The following PLXNC1 variants were observed in gnomAD, a reference collection of about 807,000 sequenced individuals.
PLXNC1 encodes plexin-C1.
A neutral mutation model predicts 178.2 loss-of-function variants in PLXNC1; 75 were observed. That is an observed-to-expected ratio of 0.42 (90% CI 0.35 to 0.51). The LOEUF is 0.51. Among genes scored for constraint, PLXNC1 ranks in the 20% least tolerant of loss-of-function variants. The pLI is 0.02. For synonymous variants in PLXNC1, 790 were observed against 779.9 expected (o/e 1.01, Z -0.22); for missense variants, 1,503 against 1,984.4 (o/e 0.76, Z 4.61).
intron 11 of PLXNC1, 45 bp downstream of exon 11, chr12:94,240,709 C>T (rs1438498189): frequency 7.3e-7 from 1 of 1,373,624 alleles, no homozygotes; most frequent in African/African-American, 1.4e-5. Context: ...GGTTAAAGGT[C>T]ATATGCCCAA....
At position 94,163,408 on chromosome 12, in the gene PLXNC1, T is replaced by C. The variant is rs1961466950; in HGVS notation, c.1063-5745T>C. Reference sequence around the variant, plus strand: ...TCTAGGAAAATGCAGTTTCACGCTATCTGCCATTCATATACTTTTGTAAAT... The same window carrying C: ...TCTAGGAAAATGCAGTTTCACGCTACCTGCCATTCATATACTTTTGTAAAT... On this transcript the variant is annotated intron_variant, in intron 1 of 30. Transcript: ENST00000258526. Among the ~76,000 whole-genome samples the C allele has an allele frequency of 2.6e-5, 4 of 152,142 alleles. No homozygotes were observed. In the South Asian group the frequency reaches 8.3e-4, roughly 32 times the overall value.
chr12:94,193,860 G>A (rs371910393), intron 4 of PLXNC1, among the ~76,000 whole-genome samples: 177 of 152,288 alleles, frequency 1.2e-3, no homozygotes, highest in Admixed American at 5.4e-3. Context: ...TGGGAAACGC[G>A]GGGGGTGGAC....
At chr12:94,273,629 T>G (rs1965722244) in intron 21 of PLXNC1, among the ~76,000 whole-genome samples, 1 of 152,236 alleles carries the variant, frequency 6.6e-6, no homozygotes, top group East Asian at 1.9e-4. Flanking sequence ...TTAGAATGTG[T>G]TGTATATGCC....
chr12:94,217,486 C>A (rs1963677759), intron 5 of PLXNC1, among the ~76,000 whole-genome samples: 1 of 152,176 alleles, frequency 6.6e-6, no homozygotes. Context: ...AGGCCCATAC[C>A]CAACTTGACA....
At position 94,252,569 on chromosome 12, in the gene PLXNC1, G is replaced by A. The variant is rs1482322342; in HGVS notation, c.2881+1041G>A. On this transcript the variant is annotated intron_variant, in intron 15 of 30. Coordinates refer to ENST00000258526, the MANE Select transcript of PLXNC1 (RefSeq NM_005761.3). ...GTCCACCAATATATTTTGTTTTGCC[G>A]TGTAGCATTGTCTAAAACTATTAAG... 1.1e-4 allele frequency among the ~76,000 whole-genome samples: 17 copies of A among 152,292 alleles called. No homozygotes were observed. In the South Asian group the frequency reaches 1.4e-3, roughly 13 times the overall value.
chr12:94,200,990 A>G (rs1056662827), intron 4 of PLXNC1, among the ~76,000 whole-genome samples: 2 of 152,238 alleles, frequency 1.3e-5, no homozygotes, highest in Admixed American at 6.5e-5. Flanking sequence ...ACAAGAATTT[A>G]GCCATTTTAA....
intron 12 of PLXNC1, 123 bp downstream of exon 12, chr12:94,244,148 G>C (rs1037514809): frequency 9.5e-6 from 5 of 525,840 alleles, no homozygotes; most frequent in Non-Finnish European, 1.7e-5. Context: ...TTTTACCTAT[G>C]CTATCATATA....
chr12:94,189,141 GTATAGC>G (rs1233738288), intron 4 of PLXNC1, among the ~76,000 whole-genome samples: 4 of 152,220 alleles, frequency 2.6e-5, no homozygotes, highest in Non-Finnish European at 5.9e-5. Context: ...AGCTTTGGTG[GTATAGC>G]TGTAGACTCA....
At position 94,282,544 on chromosome 12, in the gene PLXNC1, G is replaced by A. The variant is rs865879209; in HGVS notation, c.3879+143G>A. Reference sequence around the variant, plus strand: ...GTGTCTGGGGCTGAAGTTTTCTTTCGTTGCTTGTGCAGACAAGCCCATGAA... The same window carrying A: ...GTGTCTGGGGCTGAAGTTTTCTTTCATTGCTTGTGCAGACAAGCCCATGAA... On this transcript the variant is annotated intron_variant, in intron 23 of 30. Transcript: ENST00000258526. 111 of 618,654 alleles carry A rather than the reference G, an allele frequency of 1.8e-4. 1 individual carries two copies. In the Middle Eastern group the frequency reaches 6.2e-3, roughly 34 times the overall value. The allele number at this position is 618,654 out of a possible 1,614,324, so 38.3% of individuals were successfully genotyped here. A position where few individuals can be genotyped will look rare whatever the true frequency, so the allele number is the denominator to read the frequency against.
intron 2 of PLXNC1, among the ~76,000 whole-genome samples, chr12:94,169,511 C>T (rs1221973202): frequency 6.6e-6 from 1 of 152,126 alleles, no homozygotes; most frequent in African/African-American, 2.4e-5. Flanking sequence ...CCTTGCTGCC[C>T]AGGAGTGCAC....
intron 21 of PLXNC1, among the ~76,000 whole-genome samples, chr12:94,273,662 C>G (rs1361011621): frequency 6.6e-6 from 1 of 152,278 alleles, no homozygotes; most frequent in Non-Finnish European, 1.5e-5. Context: ...TACTAGTCTG[C>G]TAGTACTTCC....
intron 5 of PLXNC1, among the ~76,000 whole-genome samples, chr12:94,212,911 G>C (rs1272878465): frequency 1.3e-5 from 2 of 151,954 alleles, no homozygotes; most frequent in Non-Finnish European, 2.9e-5. Context: ...AGTAGAGATG[G>C]GGTTTCACCG....
Position 94,149,445 on chromosome 12 carries a change from G to A in PLXNC1, c.474G>A (p.Pro158=), listed in dbSNP as rs1053624586. 9 of 1,462,300 alleles carry A rather than the reference G, an allele frequency of 6.2e-6. No individual in the cohort carries two copies. The highest frequency in any genetic ancestry group is 1.4e-5 in the South Asian group (1 of 71,928). The allele number at this position is 1,462,300 out of a possible 1,614,324, so 90.6% of individuals were successfully genotyped here. ...RNGTEVVSCH[P]QGSTAGVVYR... ...GCACCGAGGTGGTGTCGTGCCACCC[G>A]CAGGGCTCGACGGCCGGCGTGGTGT... Residue 158 remains proline (P), a synonymous_variant, in exon 1 of 31, where the codon CCG becomes CCA. Coordinates refer to ENST00000258526, the MANE Select transcript of PLXNC1 (RefSeq NM_005761.3).
intron 30 of PLXNC1, among the ~76,000 whole-genome samples, chr12:94,304,594 T>TC (rs986641082): frequency 2.0e-5 from 3 of 151,816 alleles, no homozygotes; most frequent in African/African-American, 4.8e-5. Context: ...CTTCCCTGAT[T>TC]CCCCCCCAAT....
chr12:94,244,601 TC>T (rs1964477797), intron 12 of PLXNC1, among the ~76,000 whole-genome samples: 2 of 152,278 alleles, frequency 1.3e-5, no homozygotes, highest in South Asian at 4.1e-4. Flanking sequence ...CACTGGTGCC[TC>T]CAGATGGGGA....
intron 4 of PLXNC1, among the ~76,000 whole-genome samples, chr12:94,207,162 T>C (rs1963324844): frequency 6.6e-6 from 1 of 152,210 alleles, no homozygotes. Flanking sequence ...GTTTGCTTTT[T>C]ATTTTTTCAT....
chr12:94,275,937 T>C (rs1181558731), intron 21 of PLXNC1, among the ~76,000 whole-genome samples: 1 of 151,622 alleles, frequency 6.6e-6, no homozygotes, highest in Non-Finnish European at 1.5e-5. Flanking sequence ...CACATATCAA[T>C]TTATGTCTGA....
chr12:94,195,050 G>A (rs1962865198), intron 4 of PLXNC1, among the ~76,000 whole-genome samples: 2 of 152,116 alleles, frequency 1.3e-5, no homozygotes, highest in South Asian at 2.1e-4. Flanking sequence ...TGGAGAGACT[G>A]GCAGATGGAG....
intron 22 of PLXNC1, among the ~76,000 whole-genome samples, chr12:94,281,370 A>G (rs897021708): frequency 6.6e-6 from 1 of 152,198 alleles, no homozygotes; most frequent in Non-Finnish European, 1.5e-5. Flanking sequence ...AAAAACGCAG[A>G]TGCCCAAAGG....
Sources: allele counts gnomAD v4.1 joint callset (sites outside exome capture counted in the v4.1 genomes callset), GRCh38; gene constraint gnomAD v4.1.1; transcripts MANE v1.5; gene names NCBI Gene and HGNC (gene_info 2026-07-23, HGNC 2026-07-21).